The following GRIK4 variants were observed in gnomAD, a reference collection of about 807,000 sequenced individuals.
GRIK4 encodes glutamate ionotropic receptor kainate type subunit 4.
In GRIK4, 40 loss-of-function variants were observed where a neutral mutation model predicts 104.9. The ratio of observed to expected loss-of-function variants is 0.38; its 90% CI spans 0.30 to 0.50. GRIK4 has a LOEUF of 0.50. GRIK4 is among the 20% of genes least tolerant of loss of function. The pLI, the probability that GRIK4 is intolerant of heterozygous loss-of-function variation, is 0.93. For missense variants in GRIK4, 1,047 were observed against 1,308.1 expected (o/e 0.80, Z 3.08); for synonymous variants, 485 against 524.9 (o/e 0.92, Z 1.04).
intron 3 of GRIK4, among the ~76,000 whole-genome samples, chr11:120,694,634 C>G (rs543264863): frequency 6.6e-6 from 1 of 152,104 alleles, no homozygotes; most frequent in Non-Finnish European, 1.5e-5. Context: ...TGCCAGCTAG[C>G]GCCTACTTCT....
intron 3 of GRIK4, among the ~76,000 whole-genome samples, chr11:120,751,599 C>CGAAGGG (rs1313861560): frequency 1.3e-5 from 2 of 152,066 alleles, no homozygotes; most frequent in Non-Finnish European, 2.9e-5. Context: ...GTTTCTGGGC[C>CGAAGGG]CAGGTTCTGG....
chr11:120,753,442 G>A (rs1404995832), intron 3 of GRIK4, among the ~76,000 whole-genome samples: 1 of 152,078 alleles, frequency 6.6e-6, no homozygotes, highest in East Asian at 1.9e-4. Flanking sequence ...CATTGGCTGA[G>A]CGGCCTCAGA....
chr11:120,827,358 C>A (rs1000043262), intron 6 of GRIK4, among the ~76,000 whole-genome samples: 2 of 152,126 alleles, frequency 1.3e-5, no homozygotes, highest in Non-Finnish European at 2.9e-5. Flanking sequence ...GCCTGCCTGC[C>A]GACTCTCTCA....
chr11:120,653,977 G>C (rs1185410425), intron 2 of GRIK4, among the ~76,000 whole-genome samples, 185 bp downstream of exon 2: 11 of 152,174 alleles, frequency 7.2e-5, no homozygotes, highest in African/African-American at 2.4e-4. Context: ...TCGAGAACAG[G>C]GTTGTCAAAT....
chr11:120,816,314 C>T (rs1309465361), intron 5 of GRIK4, among the ~76,000 whole-genome samples: 1 of 152,086 alleles, frequency 6.6e-6, no homozygotes, highest in Non-Finnish European at 1.5e-5. Flanking sequence ...AGAAATTGGC[C>T]CCTTAGCCCC....
rs768742780 is a variant in GRIK4, at chr11:120,967,212, G to C, written c.2284G>C (p.Glu762Gln). The stretch of plus-strand genomic sequence containing the variant: ...CCCCGCAGGCTCGGTTTTCCGGGAC[G>C]AGTTTGATCTGGCCATTCTCCAGCT... ...GMPVGSVFRD[E>Q]FDLAILQLQE... Residue 762 changes from glutamate to glutamine, a missense_variant, in exon 19 of 21, where the codon GAG becomes CAG. Physicochemically the swap from Glu to Gln is conservative, Grantham distance 29. Coordinates refer to ENST00000527524, the MANE Select transcript of GRIK4 (RefSeq NM_014619.5). This position sits in a 1 kb window ranked among gnomAD's most constrained non-coding sequence, Gnocchi z 4.2. The C allele has an allele frequency of 1.2e-6, 2 of 1,613,562 alleles. No homozygotes were observed. The highest frequency in any genetic ancestry group is 1.7e-6 in the Non-Finnish European group (2 of 1,179,704).
At chr11:120,739,230 G>C (rs1951283567) in intron 3 of GRIK4, among the ~76,000 whole-genome samples, 1 of 152,144 alleles carries the variant, frequency 6.6e-6, no homozygotes, top group Non-Finnish European at 1.5e-5. Flanking sequence ...TTATCTATAT[G>C]GAAATAATAG....
chr11:120,527,425 C>G (rs1319331522), intron 1 of GRIK4, among the ~76,000 whole-genome samples: 1 of 152,186 alleles, frequency 6.6e-6, no homozygotes, highest in East Asian at 1.9e-4. Flanking sequence ...AGGGCAGACC[C>G]CTGCCGGTGA....
rs562711044 is a variant in GRIK4 at position 120,915,573 on chromosome 11, AATGCCCT to A, written c.1476+10082_1476+10088del. The stretch of plus-strand genomic sequence containing the variant: ...AGCTGCCAACCGTGCGAGCCCAGCC[AATGCCCT>A]ACCTGCGCTCGGTGGAGGGCTCTGC... On this transcript the variant is annotated intron_variant, in intron 13 of 20. Transcript: ENST00000527524. Among the ~76,000 whole-genome samples, 130 of 152,050 alleles carry A rather than the reference AATGCCCT, an allele frequency of 8.5e-4. 1 individual carries two copies. The highest frequency in any genetic ancestry group is 2.9e-3 in the African/African-American group (122 of 41,484).
chr11:120,970,968 G>A (rs913755792), intron 19 of GRIK4, among the ~76,000 whole-genome samples: 4 of 152,154 alleles, frequency 2.6e-5, no homozygotes, highest in Non-Finnish European at 1.5e-5. Context: ...CTCAGTTTCC[G>A]TCTCTGGAAA....
At chr11:120,566,395 G>T (rs752269974) in intron 1 of GRIK4, among the ~76,000 whole-genome samples, 1 of 152,208 alleles carries the variant, frequency 6.6e-6, no homozygotes, top group Non-Finnish European at 1.5e-5. Context: ...AAGGTCTCAG[G>T]TGTCAGATAA....
At chr11:120,744,178 G>A (rs1239265268) in intron 3 of GRIK4, among the ~76,000 whole-genome samples, 1 of 152,278 alleles carries the variant, frequency 6.6e-6, no homozygotes, top group East Asian at 1.9e-4. Context: ...TGCCCAGGGG[G>A]AATGGGGCTG....
At chr11:120,889,589 ATTTTTTT>A (rs369264259) in intron 11 of GRIK4, among the ~76,000 whole-genome samples, 126 of 62,492 alleles carry the variant, frequency 2.0e-3, no homozygotes, top group African/African-American at 6.7e-3. Context: ...AAGAGCTTAC[ATTTTTTT>A]TTTTTTTTTT....
At chr11:120,658,479 C>T (rs1299232113) in intron 2 of GRIK4, among the ~76,000 whole-genome samples, 1 of 152,170 alleles carries the variant, frequency 6.6e-6, no homozygotes, top group African/African-American at 2.4e-5. Context: ...TTTCAGTTTA[C>T]ACACCTACTA....
intron 8 of GRIK4, among the ~76,000 whole-genome samples, chr11:120,846,654 A>G (rs1360205089): frequency 7.9e-5 from 12 of 152,166 alleles, no homozygotes; most frequent in Admixed American, 5.2e-4. Context: ...ACTTTTCAGC[A>G]TTGGAATTGG....
chr11:120,971,746 G>A (rs1289898716), intron 19 of GRIK4, among the ~76,000 whole-genome samples: 1 of 152,208 alleles, frequency 6.6e-6, no homozygotes, highest in Non-Finnish European at 1.5e-5. Context: ...GAATGGTCAG[G>A]GAAGGCTTTA....
intron 13 of GRIK4, among the ~76,000 whole-genome samples, chr11:120,930,715 T>C (rs1382721781): frequency 6.6e-6 from 1 of 152,090 alleles, no homozygotes; most frequent in African/African-American, 2.4e-5. Context: ...GAAGAGTAGG[T>C]GGAGTTGATG....
At chr11:120,658,373 T>C (rs1459056863) in intron 2 of GRIK4, among the ~76,000 whole-genome samples, 1 of 152,174 alleles carries the variant, frequency 6.6e-6, no homozygotes, top group African/African-American at 2.4e-5. Flanking sequence ...GCTAATCATA[T>C]ACATGCATTT....
chr11:120,748,353 C>T (rs1255732189), intron 3 of GRIK4, among the ~76,000 whole-genome samples: 1 of 152,066 alleles, frequency 6.6e-6, no homozygotes, highest in African/African-American at 2.4e-5. Context: ...CCTCATTTTT[C>T]CTCACTTTTA....
Sources: allele counts gnomAD v4.1 joint callset (sites outside exome capture counted in the v4.1 genomes callset), GRCh38; gene constraint gnomAD v4.1.1; non-coding constraint Gnocchi (gnomAD v3.1); transcripts MANE v1.5; gene names NCBI Gene and HGNC (gene_info 2026-07-23, HGNC 2026-07-21).